MBP: variants seen among roughly 807,000 people sequenced by gnomAD.
MBP encodes Golli-MBP.
A neutral mutation model predicts 35.8 loss-of-function variants in MBP; 16 were observed. The ratio of observed to expected loss-of-function variants is 0.45; its 90% CI spans 0.30 to 0.68. The LOEUF (loss-of-function observed/expected upper bound fraction) is 0.68, where lower values mean the gene tolerates loss of function less well. Ranked by LOEUF, MBP falls within the 30% of genes least tolerant of loss-of-function variation. The pLI is 0.08. For missense variants in MBP, 380 were observed against 404.7 expected (o/e 0.94, Z 0.52); for synonymous variants, 143 against 159.6 (o/e 0.90, Z 0.78).
At chr18:77,021,781 C>T (rs981265155) in intron 3 of MBP, among the ~76,000 whole-genome samples, 1 of 152,186 alleles carries the variant, frequency 6.6e-6, no homozygotes, top group Non-Finnish European at 1.5e-5. Flanking sequence ...CCGTGCCCAG[C>T]CTCTACTTTT....
intron 4 of MBP, among the ~76,000 whole-genome samples, chr18:77,012,077 T>G (rs1226094845): frequency 6.6e-6 from 1 of 152,210 alleles, no homozygotes; most frequent in Non-Finnish European, 1.5e-5. Context: ...AGGAGATGAG[T>G]TAAGACGAGG....
In MBP at chr18:76,988,876, C is replaced by T; in HGVS notation, c.717+1G>A. 6.2e-7 allele frequency: 1 copy of T among 1,613,642 alleles called. No individual in the cohort carries two copies. Among genetic ancestry groups the T allele is most frequent in the Non-Finnish European group, 8.5e-7 (1 of 1,179,718 alleles). ...TCAATCAAAACATTCCAAGGTCTTACCTTTCCCTGCGACGGGGGTGGTGTG... is the reference window on the plus strand; with the variant it reads ...TCAATCAAAACATTCCAAGGTCTTATCTTTCCCTGCGACGGGGGTGGTGTG... On this transcript the variant is annotated splice_donor_variant, in intron 6 of 8. Coordinates refer to ENST00000355994, the MANE Select transcript of MBP (RefSeq NM_001025101.2). LOFTEE classifies it high-confidence loss of function. The surrounding 1 kb of genome is among the most constrained non-coding windows in gnomAD (Gnocchi z 5.2).
At chr18:77,052,732 A>T (rs1245992430) in intron 3 of MBP, among the ~76,000 whole-genome samples, 1 of 152,166 alleles carries the variant, frequency 6.6e-6, no homozygotes, top group Non-Finnish European at 1.5e-5. Flanking sequence ...CCCCACGGGA[A>T]CACAGCCACT....
intron 4 of MBP, among the ~76,000 whole-genome samples, chr18:76,996,874 A>G (rs2123229236): frequency 6.6e-6 from 1 of 152,334 alleles, no homozygotes; most frequent in African/African-American, 2.4e-5. Flanking sequence ...GAAATAGAAT[A>G]TAGAATAAGG....
intron 1 of MBP, chr18:77,113,845 A>G (rs1475237316): frequency 6.6e-6 from 1 of 152,242 alleles, no homozygotes; most frequent in Non-Finnish European, 1.5e-5. Context: ...TGGGCCCTAG[A>G]CGAAGAACGA....
chr18:77,059,811 C>T (rs1307678463), intron 3 of MBP, among the ~76,000 whole-genome samples: 4 of 152,168 alleles, frequency 2.6e-5, no homozygotes, highest in African/African-American at 9.7e-5. Flanking sequence ...AGAAAAAACA[C>T]ACCAAGTATG....
At chr18:77,043,047 G>T (rs547890789) in intron 3 of MBP, among the ~76,000 whole-genome samples, 37 of 152,300 alleles carry the variant, frequency 2.4e-4, no homozygotes, top group Admixed American at 2.3e-3. Context: ...CATAGTTTTA[G>T]AAAAGAATGC....
chr18:76,997,365 G>A (rs1178508551), intron 4 of MBP, among the ~76,000 whole-genome samples: 1 of 152,208 alleles, frequency 6.6e-6, no homozygotes, highest in African/African-American at 2.4e-5. Flanking sequence ...GGCCTTCAGC[G>A]AGTCCCCTGG....
At chr18:77,060,381 C>G (rs536442704) in intron 3 of MBP, among the ~76,000 whole-genome samples, 2 of 150,522 alleles carry the variant, frequency 1.3e-5, no homozygotes, top group Non-Finnish European at 2.9e-5. Context: ...ACTGTATGAA[C>G]GTGGCTTCAA....
At chr18:77,058,517 G>T (rs529675814) in intron 3 of MBP, among the ~76,000 whole-genome samples, 68 of 152,314 alleles carry the variant, frequency 4.5e-4, no homozygotes, top group African/African-American at 1.6e-3. Flanking sequence ...ACCGGCTGAT[G>T]CGACGCCCAC....
intron 3 of MBP, among the ~76,000 whole-genome samples, chr18:77,038,716 T>C (rs1972869603): frequency 1.3e-5 from 2 of 152,262 alleles, no homozygotes; most frequent in Admixed American, 1.3e-4. Context: ...TGCATATATA[T>C]ATGTATGCAT....
chr18:77,070,029 C>T (rs1338533736), intron 2 of MBP, among the ~76,000 whole-genome samples: 4 of 151,990 alleles, frequency 2.6e-5, no homozygotes, highest in South Asian at 2.1e-4. Context: ...TTTTGAGACC[C>T]GATATTGCTA....
chr18:77,013,583 C>T, intron 4 of MBP: 1 of 985,382 alleles, frequency 1.0e-6, no homozygotes, highest in Non-Finnish European at 1.2e-6. Context: ...AACAGTTCTT[C>T]TCCATACAGT....
chr18:77,028,873 C>T (rs1260968736), intron 3 of MBP, among the ~76,000 whole-genome samples: 1 of 106,742 alleles, frequency 9.4e-6, no homozygotes, highest in Non-Finnish European at 2.3e-5. Context: ...CGGGCAGAGG[C>T]GCTCCTCACT....
At chr18:77,013,879 C>T in intron 4 of MBP, 1 of 985,338 alleles carries the variant, frequency 1.0e-6, no homozygotes, top group South Asian at 4.7e-5. Flanking sequence ...GAACGGTTTC[C>T]AAAGCTAATG....
chr18:77,087,672 G>A (rs1342089146), intron 2 of MBP: 1 of 152,652 alleles, frequency 6.6e-6, no homozygotes, highest in Non-Finnish European at 1.5e-5. Context: ...GGGGAGGGGA[G>A]GGGAGGCGAG....
At chr18:77,116,217 G>C (rs1976655010) in intron 1 of MBP, among the ~76,000 whole-genome samples, 2 of 152,140 alleles carry the variant, frequency 1.3e-5, no homozygotes, top group African/African-American at 2.4e-5. Context: ...GAGTCTTCCA[G>C]ATTCTAATCA....
intron 3 of MBP, among the ~76,000 whole-genome samples, chr18:77,028,030 T>C (rs1972295181): frequency 1.5e-5 from 2 of 137,030 alleles, no homozygotes; most frequent in South Asian, 4.7e-4. Flanking sequence ...CTTGGGTGTT[T>C]CTTGCAGAGG....
chr18:77,102,910 A>G lies in MBP; in HGVS notation c.51+2301T>C, dbSNP rs1976095765. Among the ~76,000 whole-genome samples, 1 of 152,260 alleles carries G rather than the reference A, an allele frequency of 6.6e-6. No homozygotes were observed. The highest frequency in any genetic ancestry group is 1.5e-5 in the Non-Finnish European group (1 of 68,050). On this transcript the variant is annotated intron_variant, in intron 2 of 8. Coordinates refer to ENST00000355994, the MANE Select transcript of MBP (RefSeq NM_001025101.2). This position sits in a 1 kb window ranked among gnomAD's most constrained non-coding sequence, Gnocchi z 4.4. Reference sequence around the variant, plus strand: ...GTTCTTAATAAATTAGTAACTTAATACATTTATGGTTGTTATTGCTAATTA... The same window carrying G: ...GTTCTTAATAAATTAGTAACTTAATGCATTTATGGTTGTTATTGCTAATTA...
Sources: allele counts gnomAD v4.1 joint callset (sites outside exome capture counted in the v4.1 genomes callset), GRCh38; gene constraint gnomAD v4.1.1; non-coding constraint Gnocchi (gnomAD v3.1); transcripts MANE v1.5; gene names NCBI Gene and HGNC (gene_info 2026-07-23, HGNC 2026-07-21).